Variants in SOX5 observed in about 807,000 individuals in gnomAD.
SOX5 encodes transcription factor SOX-5.
A neutral mutation model predicts 92.0 loss-of-function variants in SOX5; 9 were observed. The observed-to-expected ratio is 0.10, with a 90% CI of 0.06 to 0.17. The LOEUF is 0.17. SOX5 is among the 10% of genes least tolerant of loss of function. The pLI is 1.00. For missense variants in SOX5, 642 were observed against 944.5 expected (o/e 0.68, Z 4.20); for synonymous variants, 344 against 336.3 (o/e 1.02, Z -0.25).
intron 4 of SOX5, among the ~76,000 whole-genome samples, chr12:24,138,923 G>A (rs1950330531): frequency 6.6e-6 from 1 of 152,126 alleles, no homozygotes; most frequent in Non-Finnish European, 1.5e-5. Context: ...ACTCCTTAAA[G>A]AGCACCCTGA....
At chr12:23,760,598 C>A (rs141238098) in intron 3 of SOX5, among the ~76,000 whole-genome samples, 3 of 59,032 alleles carry the variant, frequency 5.1e-5, no homozygotes, top group South Asian at 2.3e-3. Flanking sequence ...CTATGGCAAT[C>A]CCCACCAGTG....
At chr12:24,284,028 C>T (rs916545435) in intron 2 of SOX5, among the ~76,000 whole-genome samples, 6 of 152,156 alleles carry the variant, frequency 3.9e-5, no homozygotes, top group South Asian at 4.1e-4. Flanking sequence ...GTTAAATGGA[C>T]GTTGCAATGT....
intron 6 of SOX5, among the ~76,000 whole-genome samples, chr12:23,670,526 G>A (rs2084597606): frequency 6.6e-6 from 1 of 152,162 alleles, no homozygotes; most frequent in African/African-American, 2.4e-5. Flanking sequence ...TCCGGAGGAG[G>A]CTAGAAGACA....
intron 4 of SOX5, among the ~76,000 whole-genome samples, chr12:23,976,798 GT>G (rs1212584211): frequency 6.6e-6 from 1 of 151,546 alleles, no homozygotes; most frequent in African/African-American, 2.4e-5. Flanking sequence ...CTCGCGACTT[GT>G]TTTTTTCTGT....
intron 2 of SOX5, among the ~76,000 whole-genome samples, chr12:24,287,733 G>A (rs1418387933): frequency 6.7e-6 from 1 of 150,198 alleles, no homozygotes; most frequent in Non-Finnish European, 1.5e-5. Context: ...GGCTTTTCAA[G>A]TCATTTTTAC....
chr12:24,098,736 C>T (rs1203826411), intron 4 of SOX5, among the ~76,000 whole-genome samples: 2 of 152,110 alleles, frequency 1.3e-5, no homozygotes, highest in African/African-American at 2.4e-5. Context: ...CTCTTCCATC[C>T]CTCTCCCAGA....
Position 23,970,841 on chromosome 12 carries a change from A to ATATATATATATATATATATTTTTT in SOX5, c.-1-74818_-1-74817insAAAAAATATATATATATATATATA. Among the ~76,000 whole-genome samples, 15 of 21,880 alleles carry ATATATATATATATATATATTTTTT rather than the reference A, an allele frequency of 6.9e-4. 2 individuals are homozygous for ATATATATATATATATATATTTTTT. Among genetic ancestry groups the ATATATATATATATATATATTTTTT allele is most frequent in the East Asian group, 8.7e-4 (1 of 1,156 alleles). The allele number at this position is 21,880 out of a possible 152,430, so 14.4% of individuals were successfully genotyped here. ...ACATGGGACTTTATATATATATATA[A>ATATATATATATATATATATTTTTT]TTTTTTTTTTTTTTTAAGAAATGGG... On this transcript the variant is annotated intron_variant, in intron 4 of 4. Coordinates refer to the SOX5 transcript ENST00000446891.
chr12:23,762,343 T>C, intron 3 of SOX5: 1 of 334,760 alleles, frequency 3.0e-6, no homozygotes, highest in Middle Eastern at 7.8e-4. Flanking sequence ...GGCTGTAGCG[T>C]ACTTTGTTTG....
chr12:23,613,041 G>C (rs1371993628), intron 8 of SOX5, among the ~76,000 whole-genome samples: 1 of 147,408 alleles, frequency 6.8e-6, no homozygotes, highest in Non-Finnish European at 1.5e-5. Flanking sequence ...ATAGCAACTT[G>C]AGTTTAAACA....
At chr12:23,808,369 A>G (rs1190039246) in intron 3 of SOX5, among the ~76,000 whole-genome samples, 1 of 152,088 alleles carries the variant, frequency 6.6e-6, no homozygotes, top group South Asian at 2.1e-4. Context: ...CTCTCTTCCA[A>G]TGTAAGCTGA....
At chr12:24,170,071 T>C (rs973815760) in intron 4 of SOX5, among the ~76,000 whole-genome samples, 7 of 152,146 alleles carry the variant, frequency 4.6e-5, no homozygotes, top group African/African-American at 1.7e-4. Context: ...GCAGGTTTCA[T>C]AGCTTAAGAT....
Position 24,260,794 on chromosome 12 carries a change from A to G in SOX5, c.-77+16422T>C, listed in dbSNP as rs111759144. Among the ~76,000 whole-genome samples the G allele has an allele frequency of 3.8e-3, 585 of 152,294 alleles. 2 individuals are homozygous for G. Among genetic ancestry groups the G allele is most frequent in the African/African-American group, 0.014 (567 of 41,554 alleles). On this transcript the variant is annotated intron_variant, in intron 3 of 4. Coordinates refer to the SOX5 transcript ENST00000446891. The stretch of plus-strand genomic sequence containing the variant: ...TCTTACCAATTAATAAGAAATCCAT[A>G]CTTTTAGTCATTGGAAAAAAATGAA...
At position 23,890,769 on chromosome 12, in the gene SOX5, C is replaced by T. The variant is rs537603202; in HGVS notation, c.270+5024G>A. ...GACCCCAAAATTACAGTGATTCTTG[C>T]TTGTCTCTGAAATTTTGAAGCAACA... On this transcript the variant is annotated intron_variant, in intron 2 of 14. Coordinates refer to ENST00000451604, the MANE Select transcript of SOX5 (RefSeq NM_006940.6). Among the ~76,000 whole-genome samples the T allele has an allele frequency of 2.0e-5, 3 of 151,316 alleles. No homozygotes were observed. In the East Asian group the frequency reaches 5.8e-4, roughly 29 times the overall value.
intron 1 of SOX5, among the ~76,000 whole-genome samples, chr12:23,931,095 C>T (rs1413052707): frequency 2.6e-5 from 4 of 151,700 alleles, no homozygotes; most frequent in East Asian, 1.9e-4. Context: ...CTAGCACACA[C>T]AAAATATTCA....
intron 1 of SOX5, among the ~76,000 whole-genome samples, chr12:24,441,625 G>A (rs1052873614): frequency 6.6e-6 from 1 of 152,244 alleles, no homozygotes. Context: ...AAGTTCAGAG[G>A]AAAAGAATGT....
At chr12:24,177,868 A>G (rs1425858147) in intron 4 of SOX5, among the ~76,000 whole-genome samples, 1 of 152,202 alleles carries the variant, frequency 6.6e-6, no homozygotes, top group Non-Finnish European at 1.5e-5. Flanking sequence ...ATGCATTGCG[A>G]TAATTGACCC....
intron 12 of SOX5, among the ~76,000 whole-genome samples, chr12:23,545,158 T>C (rs762803728): frequency 6.6e-6 from 1 of 152,194 alleles, no homozygotes; most frequent in African/African-American, 2.4e-5. Flanking sequence ...AAAAGTAGAA[T>C]TGGCCCAAGG....
chr12:24,046,201 G>C (rs888512782), intron 4 of SOX5, among the ~76,000 whole-genome samples: 3 of 152,190 alleles, frequency 2.0e-5, no homozygotes, highest in Admixed American at 6.5e-5. Flanking sequence ...ATTTAAGAGA[G>C]GGGAGGAGAC....
chr12:24,056,239 A>C (rs1241528359), intron 4 of SOX5, among the ~76,000 whole-genome samples: 1 of 151,106 alleles, frequency 6.6e-6, no homozygotes, highest in African/African-American at 2.4e-5. Context: ...TGAAAAGTCC[A>C]AGACCGAGAG....
Sources: allele counts gnomAD v4.1 joint callset (sites outside exome capture counted in the v4.1 genomes callset), GRCh38; gene constraint gnomAD v4.1.1; transcripts MANE v1.5; gene names NCBI Gene and HGNC (gene_info 2026-07-23, HGNC 2026-07-21).